The following TP73 variants were observed in gnomAD, a reference collection of about 807,000 sequenced individuals.
TP73 encodes tumor protein p73, also known as p53-like transcription factor.
Under a neutral mutation model 62.5 loss-of-function variants are expected in TP73, and 25 were observed. The observed-to-expected ratio is 0.40, with a 90% CI of 0.29 to 0.56. The LOEUF (loss-of-function observed/expected upper bound fraction) is 0.56, where lower values mean the gene tolerates loss of function less well. TP73 is among the 20% of genes least tolerant of loss of function. TP73 has a pLI of 0.46. For missense variants in TP73, 754 were observed against 913.3 expected, an observed-to-expected ratio of 0.83 and a Z score of 2.25; for synonymous variants, 423 against 377.5, an observed-to-expected ratio of 1.12 and a Z score of -1.40.
intron 6 of TP73, among the ~76,000 whole-genome samples, chr1:3,726,185 G>C (rs1641561689): frequency 7.3e-6 from 1 of 137,246 alleles, no homozygotes; most frequent in East Asian, 2.4e-4. Flanking sequence ...GATAATAAAT[G>C]GGGGGAGTGG....
intron 10 of TP73, chr1:3,729,667 C>A: frequency 1.1e-6 from 1 of 879,348 alleles, no homozygotes; most frequent in East Asian, 2.5e-5. Context: ...TGCTATGCCT[C>A]TGCCACTGAG....
intron 3 of TP73, among the ~76,000 whole-genome samples, chr1:3,689,868 T>C (rs986142169): frequency 6.6e-6 from 1 of 152,132 alleles, no homozygotes; most frequent in African/African-American, 2.4e-5. Flanking sequence ...CCCTGCCTGC[T>C]TCCAGGGGGA....
intron 3 of TP73, among the ~76,000 whole-genome samples, chr1:3,705,131 G>A (rs983438570): frequency 1.3e-5 from 2 of 152,224 alleles, no homozygotes; most frequent in African/African-American, 2.4e-5. Context: ...CAGATTCCTG[G>A]GCTCAAGAGA....
chr1:3,729,525 C>A (rs2124534290), intron 10 of TP73, 77 bp downstream of exon 10: 1 of 1,603,254 alleles, frequency 6.2e-7, no homozygotes, highest in Non-Finnish European at 8.5e-7. Context: ...CCAGGAGGAC[C>A]AGAAACCCCT....
intron 3 of TP73, among the ~76,000 whole-genome samples, chr1:3,687,641 G>T (rs1557511215): frequency 6.6e-6 from 1 of 152,154 alleles, no homozygotes; most frequent in Non-Finnish European, 1.5e-5. Context: ...GGGGAGAAAA[G>T]GAGAGAGAGG....
chr1:3,708,216 C>A, intron 4 of TP73: 1 of 203,340 alleles, frequency 4.9e-6, no homozygotes, highest in Non-Finnish European at 1.0e-5. Flanking sequence ...CTCCAGGCAG[C>A]GAGACGCATC....
intron 1 of TP73, among the ~76,000 whole-genome samples, chr1:3,664,877 G>T (rs761901313): frequency 6.6e-6 from 1 of 152,196 alleles, no homozygotes; most frequent in Non-Finnish European, 1.5e-5. Context: ...CTGTGAATCC[G>T]ATGACCGAGA....
chr1:3,691,074 C>A, intron 3 of TP73: 1 of 1,372,708 alleles, frequency 7.3e-7, no homozygotes, highest in Non-Finnish European at 1.0e-6. Flanking sequence ...TTGGGGTGAG[C>A]AGAGGTAGGA....
chr1:3,661,160 G>C (rs1456349681), intron 1 of TP73, among the ~76,000 whole-genome samples: 1 of 152,014 alleles, frequency 6.6e-6, no homozygotes, highest in Non-Finnish European at 1.5e-5. Context: ...AATAATCTAT[G>C]TTTTTATAAG....
intron 3 of TP73, among the ~76,000 whole-genome samples, chr1:3,700,927 TC>T (rs1639108609): frequency 2.0e-5 from 3 of 152,116 alleles, no homozygotes; most frequent in Admixed American, 2.0e-4. Flanking sequence ...GGGGCCCAGC[TC>T]CCCTCCAGCT....
rs2102089927 is a variant in TP73, at chr1:3,682,447, G to A, written c.65+17G>A. 1 of 1,487,818 alleles carries A rather than the reference G, an allele frequency of 6.7e-7. No individual in the cohort carries two copies. Among genetic ancestry groups the A allele is most frequent in the South Asian group, 1.3e-5 (1 of 78,276 alleles). 92.2% of individuals were successfully genotyped at this position (1,487,818 alleles called of 1,614,324 possible). ...GAGCTCTCTGTGAGTGCGCTTGGCT[G>A]GCCAGAGCTGGGGGCCCCCCTGGGA... On this transcript the variant is annotated intron_variant, in intron 2 of 13. Coordinates refer to ENST00000378295, the MANE Select transcript of TP73 (RefSeq NM_005427.4).
At chr1:3,721,285 C>T (rs1403371409) in intron 4 of TP73, among the ~76,000 whole-genome samples, 1 of 152,250 alleles carries the variant, frequency 6.6e-6, no homozygotes, top group African/African-American at 2.4e-5. Context: ...TGCAGCAGGG[C>T]CCACGCCAGC....
chr1:3,660,575 A>G (rs1644968053), intron 1 of TP73, among the ~76,000 whole-genome samples: 1 of 152,254 alleles, frequency 6.6e-6, no homozygotes, highest in African/African-American at 2.4e-5. Context: ...GGTAGGGAGA[A>G]AAGTCATCAT....
Position 3,663,707 on chromosome 1 carries a change from A to AGAAAG in TP73, c.-34+11066_-34+11067insGAAAG, listed in dbSNP as rs1645049136. ...CGAGACTCCATCTCAAAAAAAAAAAAAAAGAAAGAAAGAAAGGATACAGAC... is the reference window on the plus strand; with the variant it reads ...CGAGACTCCATCTCAAAAAAAAAAAAGAAAGAAAGAAAGAAAGAAAGGATACAGAC... On this transcript the variant is annotated intron_variant, in intron 1 of 13. Coordinates refer to ENST00000378295, the MANE Select transcript of TP73 (RefSeq NM_005427.4). This position sits in a 1 kb window ranked among gnomAD's most constrained non-coding sequence, Gnocchi z 4.7. Among the ~76,000 whole-genome samples the AGAAAG allele has an allele frequency of 6.7e-6, 1 of 148,786 alleles. No homozygotes were observed. The highest frequency in any genetic ancestry group is 1.5e-5 in the Non-Finnish European group (1 of 67,296).
chr1:3,719,608 C>G (rs56147202), intron 4 of TP73, among the ~76,000 whole-genome samples: 2,401 of 152,342 alleles, frequency 0.016, 70 homozygotes, highest in African/African-American at 0.055. Context: ...GGGTCCGAGT[C>G]CCAGAGGGTC....
At chr1:3,695,128 C>T (rs1229217663) in intron 3 of TP73, among the ~76,000 whole-genome samples, 5 of 152,258 alleles carry the variant, frequency 3.3e-5, no homozygotes, top group Non-Finnish European at 5.9e-5. Context: ...CAATGCCCAA[C>T]CCCGAGGTGG....
chr1:3,677,106 T>C (rs1018296547), intron 1 of TP73, among the ~76,000 whole-genome samples: 9 of 152,124 alleles, frequency 5.9e-5, no homozygotes, highest in African/African-American at 2.2e-4. Context: ...GCTGGTTTTC[T>C]GGGCCACACA....
At position 3,723,025 on chromosome 1, in the gene TP73, G is replaced by T. The variant is rs1180644416; in HGVS notation, c.617-329G>T. On this transcript the variant is annotated intron_variant, in intron 5 of 13. Transcript: ENST00000378295. Reference sequence around the variant, plus strand: ...GGGCATCTCTGCACCTGACACCGGGGTGGGCACCTCTCTGCACCTGGCATG... The same window carrying T: ...GGGCATCTCTGCACCTGACACCGGGTTGGGCACCTCTCTGCACCTGGCATG... 3.5e-5 allele frequency among the ~76,000 whole-genome samples: 5 copies of T among 142,020 alleles called. No homozygotes were observed. In the East Asian group the frequency reaches 1.1e-3, roughly 30 times the overall value. 93.2% of individuals were successfully genotyped at this position (142,020 alleles called of 152,430 possible). A position where few individuals can be genotyped will look rare whatever the true frequency, so the allele number is the denominator to read the frequency against.
In TP73 at chr1:3,707,604, C is replaced by G; in HGVS notation, c.242C>G (p.Ser81Trp). The change falls in exon 4 of 14, where the codon TCG becomes TGG. Residue 81 changes from serine (S) to tryptophan (W), a missense_variant. This residue lies in a region of TP73 where 235 missense variants were observed against 251.4 expected (regional missense o/e 0.93). Transcript: ENST00000378295. The part of the protein sequence containing the change: ...TMDQMSSRAA[S>W]ASPYTPEHAA... The stretch of plus-strand genomic sequence containing the variant: ...GACCAGATGAGCAGCCGCGCGGCCT[C>G]GGCCAGCCCCTACACCCCAGAGCAC... 6.2e-7 allele frequency: 1 copy of G among 1,612,662 alleles called. No homozygotes were observed. Among genetic ancestry groups the G allele is most frequent in the Non-Finnish European group, 8.5e-7 (1 of 1,179,822 alleles).
Sources: allele counts gnomAD v4.1 joint callset (sites outside exome capture counted in the v4.1 genomes callset), GRCh38; gene constraint gnomAD v4.1.1; regional missense constraint gnomAD v4.1.1; non-coding constraint Gnocchi (gnomAD v3.1); transcripts MANE v1.5; gene names NCBI Gene and HGNC (gene_info 2026-07-23, HGNC 2026-07-21).